EPHA6: variants seen among roughly 807,000 people sequenced by gnomAD.
EPHA6 encodes ephrin type-A receptor 6.
EPHA6 carries 50 observed loss-of-function variants against 112.0 expected under a neutral mutation model. The ratio of observed to expected loss-of-function variants is 0.45; its 90% CI spans 0.36 to 0.56. The LOEUF (loss-of-function observed/expected upper bound fraction) is 0.56, where lower values mean the gene tolerates loss of function less well. Ranked by LOEUF, EPHA6 falls within the 20% of genes least tolerant of loss-of-function variation. The probability of loss-of-function intolerance (pLI) is 0.00; values close to 1 mark genes in which losing one functional copy is unlikely to be tolerated. For synonymous variants in EPHA6, 529 were observed against 490.7 expected, an observed-to-expected ratio of 1.08 and a Z score of -1.03; for missense variants, 1,280 against 1,417.4, an observed-to-expected ratio of 0.90 and a Z score of 1.56.
chr3:97,387,316 G>GTTTTT (rs1451719738), intron 5 of EPHA6, among the ~76,000 whole-genome samples: 8 of 132,250 alleles, frequency 6.0e-5, no homozygotes, highest in African/African-American at 2.2e-4. Context: ...TTACAATTCA[G>GTTTTT]TTTTTTTTTT....
chr3:96,872,044 C>T (rs2036653446), intron 2 of EPHA6, among the ~76,000 whole-genome samples: 1 of 151,936 alleles, frequency 6.6e-6, no homozygotes, highest in South Asian at 2.1e-4. Context: ...GATAGATAAG[C>T]GAGACATAAT....
intron 10 of EPHA6, among the ~76,000 whole-genome samples, chr3:97,497,895 G>A (rs1307176629): frequency 6.6e-6 from 1 of 152,050 alleles, no homozygotes; most frequent in Non-Finnish European, 1.5e-5. Context: ...TGTCAGTGTG[G>A]AGGAAGGATT....
intron 2 of EPHA6, among the ~76,000 whole-genome samples, chr3:96,905,332 A>G (rs1469919827): frequency 1.3e-5 from 2 of 151,998 alleles, no homozygotes; most frequent in Non-Finnish European, 2.9e-5. Flanking sequence ...TTTTAATAGG[A>G]TATAAAATGT....
intron 10 of EPHA6, among the ~76,000 whole-genome samples, chr3:97,494,390 A>C (rs1317829968): frequency 2.0e-5 from 3 of 152,190 alleles, no homozygotes; most frequent in Non-Finnish European, 4.4e-5. Context: ...TGTCCCTAAA[A>C]TTTGGAGTCA....
chr3:97,247,119 G>A (rs2079008449), intron 5 of EPHA6, among the ~76,000 whole-genome samples: 1 of 151,830 alleles, frequency 6.6e-6, no homozygotes, highest in Non-Finnish European at 1.5e-5. Flanking sequence ...AGTATCTTTG[G>A]GAATTCTCTT....
At chr3:96,895,798 T>C (rs910528093) in intron 2 of EPHA6, among the ~76,000 whole-genome samples, 2 of 152,222 alleles carry the variant, frequency 1.3e-5, no homozygotes, top group Non-Finnish European at 2.9e-5. Context: ...TCGCTCTACT[T>C]TGATCTGCCA....
At chr3:97,068,904 C>A (rs375841754) in intron 3 of EPHA6, among the ~76,000 whole-genome samples, 1 of 152,162 alleles carries the variant, frequency 6.6e-6, no homozygotes, top group Non-Finnish European at 1.5e-5. Flanking sequence ...AGACTTCCAG[C>A]CTCCAGAAAT....
chr3:97,539,500 T>C (rs148490800), intron 11 of EPHA6, among the ~76,000 whole-genome samples: 140 of 152,254 alleles, frequency 9.2e-4, no homozygotes, highest in Admixed American at 2.8e-3. Flanking sequence ...AGAAAGCCAA[T>C]GTGCCTGTCG....
At chr3:97,212,775 T>C (rs1260719187) in intron 3 of EPHA6, among the ~76,000 whole-genome samples, 2 of 152,218 alleles carry the variant, frequency 1.3e-5, no homozygotes, top group Admixed American at 6.5e-5. Context: ...TGCTTATTAA[T>C]GGCAACTTAC....
chr3:97,390,720 TTTCACCAATTA>T (rs2086350442), intron 5 of EPHA6, among the ~76,000 whole-genome samples: 1 of 151,906 alleles, frequency 6.6e-6, no homozygotes, highest in African/African-American at 2.4e-5. Flanking sequence ...CTCAGCAAAA[TTTCACCAATTA>T]GAATTTTACT....
At chr3:96,882,518 C>T (rs912873961) in intron 2 of EPHA6, among the ~76,000 whole-genome samples, 2 of 152,142 alleles carry the variant, frequency 1.3e-5, no homozygotes, top group Admixed American at 6.5e-5. Context: ...ACCACTCCCA[C>T]CATTCCCCCC....
intron 3 of EPHA6, among the ~76,000 whole-genome samples, chr3:97,034,813 G>T (rs1201556765): frequency 2.6e-5 from 4 of 151,914 alleles, no homozygotes; most frequent in African/African-American, 9.7e-5. Context: ...CTACGATATA[G>T]AAATCACGGG....
chr3:97,699,524 A>C (rs184412169), intron 14 of EPHA6, among the ~76,000 whole-genome samples: 146 of 152,284 alleles, frequency 9.6e-4, no homozygotes, highest in Admixed American at 3.5e-3. Flanking sequence ...AGAGCCCATA[A>C]GTTGTGGAGC....
chr3:96,814,602 C>G lies in EPHA6; in HGVS notation c.-22C>G. ...CTCCGGCCCAAGTGAATAGTCCTCGCGCAAGCGGGACACTGTGGTGGATGC... is the reference window on the plus strand; with the variant it reads ...CTCCGGCCCAAGTGAATAGTCCTCGGGCAAGCGGGACACTGTGGTGGATGC... On this transcript the variant is annotated 5_prime_UTR_variant, in exon 1 of 18. Coordinates refer to ENST00000389672, the MANE Select transcript of EPHA6 (RefSeq NM_001080448.3). 2 of 1,382,166 alleles carry G rather than the reference C, an allele frequency of 1.4e-6. No homozygotes were observed. Among genetic ancestry groups the G allele is most frequent in the East Asian group, 5.2e-5 (2 of 38,434 alleles). 85.6% of individuals were successfully genotyped at this position (1,382,166 alleles called of 1,614,324 possible). A position where few individuals can be genotyped will look rare whatever the true frequency, so the allele number is the denominator to read the frequency against.
chr3:96,831,540 CT>C (rs1437706345), intron 1 of EPHA6, among the ~76,000 whole-genome samples: 3 of 151,626 alleles, frequency 2.0e-5, no homozygotes, highest in Non-Finnish European at 4.4e-5. Context: ...CCAATTGACA[CT>C]TTTATTAAGA....
Position 97,226,316 on chromosome 3 carries a change from A to G in EPHA6, c.1167A>G (p.Lys389=), listed in dbSNP as rs2078354847. 3 of 1,613,386 alleles carry G rather than the reference A, an allele frequency of 1.9e-6. No homozygotes were observed. The highest frequency in any genetic ancestry group is 4.5e-5 in the East Asian group (2 of 44,836). ...KAFAGNTKCS[K]CPPHSLTYME... is the part of the protein sequence containing the mutation. ...TTGCTGGGAACACAAAATGTTCTAA[A>G]TGTCCTCCACACAGTTTAACATACA... Residue 389 remains lysine, a synonymous_variant, in exon 4 of 18, where the codon AAA becomes AAG. Coordinates refer to ENST00000389672, the MANE Select transcript of EPHA6 (RefSeq NM_001080448.3).
intron 5 of EPHA6, among the ~76,000 whole-genome samples, chr3:97,376,562 G>A (rs1156864818): frequency 6.6e-6 from 1 of 152,188 alleles, no homozygotes; most frequent in Non-Finnish European, 1.5e-5. Flanking sequence ...TCTTACTGTT[G>A]ACTTCTTTTT....
At chr3:96,920,356 CT>C (rs1279581067) in intron 2 of EPHA6, among the ~76,000 whole-genome samples, 1 of 151,806 alleles carries the variant, frequency 6.6e-6, no homozygotes, top group Non-Finnish European at 1.5e-5. Flanking sequence ...GAAAAATGCC[CT>C]TATATTATAC....
Position 97,720,256 on chromosome 3 carries a change from T to A in EPHA6, c.2785-5T>A. ...CAGCTAAGAAATCTCCAATTTGTTTTCCAGGGTGGAAAAATCCCCATAAGG... is the reference window on the plus strand; with the variant it reads ...CAGCTAAGAAATCTCCAATTTGTTTACCAGGGTGGAAAAATCCCCATAAGG... On this transcript the variant is annotated splice_region_variant and splice_polypyrimidine_tract_variant and intron_variant, in intron 14 of 17. Coordinates refer to ENST00000389672, the MANE Select transcript of EPHA6 (RefSeq NM_001080448.3). 6.4e-7 allele frequency: 1 copy of A among 1,572,896 alleles called. No individual in the cohort carries two copies. The highest frequency in any genetic ancestry group is 8.6e-7 in the Non-Finnish European group (1 of 1,162,906).
Sources: allele counts gnomAD v4.1 joint callset (sites outside exome capture counted in the v4.1 genomes callset), GRCh38; gene constraint gnomAD v4.1.1; transcripts MANE v1.5; gene names NCBI Gene and HGNC (gene_info 2026-07-23, HGNC 2026-07-21).